The following ZDHHC15 variants were observed in gnomAD, a reference collection of about 807,000 sequenced individuals.
ZDHHC15 encodes palmitoyltransferase ZDHHC15.
ZDHHC15 carries 19 observed loss-of-function variants against 31.7 expected under a neutral mutation model. The ratio of observed to expected loss-of-function variants is 0.60; its 90% CI spans 0.42 to 0.88. The LOEUF (loss-of-function observed/expected upper bound fraction) is 0.88, where lower values mean the gene tolerates loss of function less well. ZDHHC15 is among the 40% of genes least tolerant of loss of function. The probability of loss-of-function intolerance (pLI) is 0.00; values close to 1 mark genes in which losing one functional copy is unlikely to be tolerated. For missense variants in ZDHHC15, 209 were observed against 251.2 expected (o/e 0.83, Z 1.14); for synonymous variants, 103 against 90.0 (o/e 1.14, Z -0.82).
At chrX:75,501,259 C>A (rs780460443) in intron 2 of ZDHHC15, among the ~76,000 whole-genome samples, 4 of 111,077 alleles carry the variant, frequency 3.6e-5, no homozygotes, top group Non-Finnish European at 7.6e-5. Context: ...CCAGCCCCAT[C>A]CATGTTCCCA....
intron 10 of ZDHHC15, among the ~76,000 whole-genome samples, chrX:75,381,591 A>T (rs1374578349): frequency 9.0e-6 from 1 of 111,596 alleles, no homozygotes; most frequent in Non-Finnish European, 1.9e-5. Context: ...CTTTCCTTAT[A>T]TCAATATATC....
At chrX:75,452,388 A>C (rs747660183) in intron 3 of ZDHHC15, among the ~76,000 whole-genome samples, 1 of 111,213 alleles carries the variant, frequency 9.0e-6, no homozygotes, top group African/African-American at 3.3e-5. Context: ...AGATTCATAA[A>C]ACAAGTCCTA....
intron 1 of ZDHHC15, among the ~76,000 whole-genome samples, chrX:75,521,116 C>T (rs2085435320): frequency 9.1e-6 from 1 of 110,442 alleles, no homozygotes; most frequent in Non-Finnish European, 1.9e-5. Context: ...ATAAAGAAGT[C>T]TCAGAAGGAC....
intron 2 of ZDHHC15, among the ~76,000 whole-genome samples, chrX:75,499,592 C>A (rs1032885045): frequency 9.0e-6 from 1 of 111,110 alleles, no homozygotes; most frequent in Non-Finnish European, 1.9e-5. Context: ...CTTATTCCTG[C>A]AAGAATGGCC....
chrX:75,492,958 A>G (rs1230395970), intron 2 of ZDHHC15, among the ~76,000 whole-genome samples: 1 of 112,018 alleles, frequency 8.9e-6, no homozygotes, highest in Non-Finnish European at 1.9e-5. Context: ...AAATAGAGAG[A>G]CAAAAAAATC....
intron 10 of ZDHHC15, among the ~76,000 whole-genome samples, chrX:75,411,192 T>C (rs1207624273): frequency 5.3e-5 from 5 of 94,366 alleles, no homozygotes; most frequent in African/African-American, 1.1e-4. Context: ...AGGTTGCCCA[T>C]AGTTAACAAT....
chrX:75,468,041 A>ATT (rs142205044), intron 3 of ZDHHC15, among the ~76,000 whole-genome samples: 2 of 83,859 alleles, frequency 2.4e-5, no homozygotes, highest in Non-Finnish European at 4.7e-5. Flanking sequence ...AACTGGCATA[A>ATT]TTTTTTTTTT....
chrX:75,446,725 T>G (rs2147899663), intron 4 of ZDHHC15, among the ~76,000 whole-genome samples: 1 of 111,016 alleles, frequency 9.0e-6, no homozygotes. Context: ...AGGGCCTCTT[T>G]TATAGATAGT....
chrX:75,519,006 T>C lies in ZDHHC15; in HGVS notation c.136+3883A>G, dbSNP rs770405277. The stretch of plus-strand genomic sequence containing the variant: ...GGAACATCCATAATAGGTAAATCCA[T>C]AGAGACAGAATGCAGATTAATAATT... On this transcript the variant is annotated intron_variant, in intron 1 of 11. Coordinates refer to ENST00000373367, the MANE Select transcript of ZDHHC15 (RefSeq NM_144969.3). Among the ~76,000 whole-genome samples, 4 of 108,148 alleles carry C rather than the reference T, an allele frequency of 3.7e-5. No homozygotes were observed. The South Asian group carries it at 1.7e-3, about 45-fold the overall frequency. 93.9% of individuals were successfully genotyped at this position (108,148 alleles called of 115,157 possible).
At chrX:75,431,375 T>C (rs2083778080) in intron 5 of ZDHHC15, 76 bp downstream of exon 5, 1 of 986,135 alleles carries the variant, frequency 1.0e-6, no homozygotes, top group Middle Eastern at 2.7e-4. Flanking sequence ...GATTACATGT[T>C]AGGATCAGTC....
intron 3 of ZDHHC15, among the ~76,000 whole-genome samples, chrX:75,464,971 A>T (rs1278358675): frequency 8.9e-6 from 1 of 111,978 alleles, no homozygotes; most frequent in Non-Finnish European, 1.9e-5. Context: ...CAGCCAAGAG[A>T]AAGAAATAAA....
At chrX:75,449,762 G>A (rs1312192415) in intron 4 of ZDHHC15, among the ~76,000 whole-genome samples, 3 of 111,888 alleles carry the variant, frequency 2.7e-5, no homozygotes, top group Non-Finnish European at 5.6e-5. Flanking sequence ...CTTGAAATAC[G>A]AAACATAATC....
At chrX:75,434,744 G>C (rs1602617467) in intron 4 of ZDHHC15, among the ~76,000 whole-genome samples, 1 of 112,187 alleles carries the variant, frequency 8.9e-6, no homozygotes, top group Non-Finnish European at 1.9e-5. Flanking sequence ...CTATAGCCTT[G>C]TAGTATAGTT....
intron 1 of ZDHHC15, among the ~76,000 whole-genome samples, chrX:75,515,241 C>G (rs1170221487): frequency 9.0e-6 from 1 of 111,199 alleles, no homozygotes; most frequent in Admixed American, 9.6e-5. Flanking sequence ...CAACATCATC[C>G]TGATACCAAA....
intron 10 of ZDHHC15, among the ~76,000 whole-genome samples, chrX:75,399,101 GC>G (rs918798273): frequency 2.9e-4 from 32 of 111,366 alleles, no homozygotes; most frequent in African/African-American, 1.0e-3. Context: ...TCTGGAGTAG[GC>G]CCCAAGCATA....
chrX:75,384,397 C>T, intron 10 of ZDHHC15: 2 of 1,011,686 alleles, frequency 2.0e-6, no homozygotes, highest in Non-Finnish European at 1.4e-6. Flanking sequence ...GTTCTCTAGG[C>T]CTTTTAGAAA....
At chrX:75,486,245 T>G (rs1466507342) in intron 2 of ZDHHC15, among the ~76,000 whole-genome samples, 2 of 110,983 alleles carry the variant, frequency 1.8e-5, no homozygotes, top group Non-Finnish European at 3.8e-5. Flanking sequence ...CCAAGCAAAA[T>G]ATAAAAGTCG....
chrX:75,513,757 G>C (rs184714051), intron 1 of ZDHHC15, among the ~76,000 whole-genome samples: 1 of 111,055 alleles, frequency 9.0e-6, no homozygotes, highest in East Asian at 2.8e-4. Flanking sequence ...AAACATCCAA[G>C]AAGTGCAATG....
chrX:75,504,659 C>T (rs2085132097), intron 2 of ZDHHC15, among the ~76,000 whole-genome samples: 1 of 111,638 alleles, frequency 9.0e-6, no homozygotes, highest in Non-Finnish European at 1.9e-5. Context: ...TGGCTTATGC[C>T]ATTATTCTTA....
Sources: allele counts gnomAD v4.1 joint callset (sites outside exome capture counted in the v4.1 genomes callset), GRCh38; gene constraint gnomAD v4.1.1; transcripts MANE v1.5; gene names NCBI Gene and HGNC (gene_info 2026-07-23, HGNC 2026-07-21).